Variants in DOCK3 observed in about 807,000 individuals in gnomAD.
DOCK3 encodes dedicator of cytokinesis protein 3.
Under a neutral mutation model 265.6 loss-of-function variants are expected in DOCK3, and 60 were observed. The ratio of observed to expected loss-of-function variants is 0.23; its 90% CI spans 0.18 to 0.28. The LOEUF (loss-of-function observed/expected upper bound fraction) is 0.28. Ranked by LOEUF, DOCK3 falls within the 10% of genes least tolerant of loss-of-function variation. The pLI is 1.00. For missense variants in DOCK3, 1,981 were observed against 2,594.3 expected, an observed-to-expected ratio of 0.76 and a Z score of 5.14; for synonymous variants, 881 against 938.0, an observed-to-expected ratio of 0.94 and a Z score of 1.11.
rs374438910 is a variant in DOCK3, at chr3:51,207,190, A to G, written c.1038-1584A>G. Among the ~76,000 whole-genome samples, 227 of 152,252 alleles carry G rather than the reference A, an allele frequency of 1.5e-3. 1 individual carries two copies. Among genetic ancestry groups the G allele is most frequent in the African/African-American group, 5.1e-3 (213 of 41,556 alleles). On this transcript the variant is annotated intron_variant, in intron 12 of 52. Transcript: ENST00000266037. ...GTAAGGGGTATGCAAGGGGAGAGGAATGGCAGGAACAGGCTGTCAGTTGTC... is the reference window on the plus strand; with the variant it reads ...GTAAGGGGTATGCAAGGGGAGAGGAGTGGCAGGAACAGGCTGTCAGTTGTC...
chr3:51,068,736 A>G (rs1018715307), intron 6 of DOCK3, among the ~76,000 whole-genome samples: 1 of 152,118 alleles, frequency 6.6e-6, no homozygotes, highest in African/African-American at 2.4e-5. Context: ...CTTATCATCT[A>G]TCTAATTATG....
chr3:51,251,884 T>G (rs905882621), intron 22 of DOCK3, among the ~76,000 whole-genome samples: 8 of 152,254 alleles, frequency 5.3e-5, no homozygotes, highest in African/African-American at 1.9e-4. Flanking sequence ...CATTGGTCAA[T>G]TTTGGCTTTT....
At chr3:50,916,614 G>A (rs1011898077) in intron 4 of DOCK3, among the ~76,000 whole-genome samples, 28 of 152,000 alleles carry the variant, frequency 1.8e-4, no homozygotes, top group African/African-American at 6.8e-4. Flanking sequence ...TCAGGAGATC[G>A]AGACCATCCT....
chr3:51,076,105 T>C (rs539668303), intron 7 of DOCK3, among the ~76,000 whole-genome samples: 2 of 152,272 alleles, frequency 1.3e-5, no homozygotes, highest in East Asian at 3.9e-4. Context: ...AACTGTAATA[T>C]TTTTAGGGAG....
intron 12 of DOCK3, among the ~76,000 whole-genome samples, chr3:51,197,057 G>C (rs1358590616): frequency 6.6e-6 from 1 of 152,024 alleles, no homozygotes; most frequent in African/African-American, 2.4e-5. Context: ...GTGTTGGTTG[G>C]GTAGGGTACT....
chr3:50,716,302 C>T (rs1050275192), intron 1 of DOCK3, among the ~76,000 whole-genome samples: 16 of 151,818 alleles, frequency 1.1e-4, no homozygotes, highest in Non-Finnish European at 1.3e-4. Flanking sequence ...CTGAGGTGGG[C>T]GGATCACGAA....
chr3:50,767,828 C>A (rs2040997627), intron 1 of DOCK3, among the ~76,000 whole-genome samples: 1 of 152,072 alleles, frequency 6.6e-6, no homozygotes, highest in Non-Finnish European at 1.5e-5. Flanking sequence ...TTGAAGAGGT[C>A]CTTCACATCC....
chr3:50,716,972 T>G (rs1027941818), intron 1 of DOCK3, among the ~76,000 whole-genome samples: 6 of 152,222 alleles, frequency 3.9e-5, no homozygotes, highest in Admixed American at 2.6e-4. Flanking sequence ...TTCTTACATT[T>G]TGTTTTTCTT....
chr3:51,150,103 C>G lies in DOCK3; in HGVS notation c.828+3473C>G, dbSNP rs187129740. On this transcript the variant is annotated intron_variant, in intron 10 of 52. Transcript: ENST00000266037. ...GTGTCCAGGAATTTATCCATTTCTT[C>G]TAGATTTTCTAGTTTATTTGTGTAG... 9.9e-5 allele frequency among the ~76,000 whole-genome samples: 15 copies of G among 152,268 alleles called. No homozygotes were observed. In the East Asian group the frequency reaches 2.9e-3, roughly 29 times the overall value.
At chr3:50,943,223 G>A (rs1345346446) in intron 5 of DOCK3, among the ~76,000 whole-genome samples, 1 of 152,066 alleles carries the variant, frequency 6.6e-6, no homozygotes, top group Non-Finnish European at 1.5e-5. Context: ...GGGAATGGAT[G>A]AATAGGCAGA....
chr3:51,271,801 A>T (rs1020294838), intron 24 of DOCK3, among the ~76,000 whole-genome samples: 2 of 151,506 alleles, frequency 1.3e-5, no homozygotes, highest in Admixed American at 1.3e-4. Context: ...CAGTAAGCCA[A>T]GATCACGCCA....
At chr3:51,033,284 A>G (rs572288330) in intron 5 of DOCK3, among the ~76,000 whole-genome samples, 1 of 152,158 alleles carries the variant, frequency 6.6e-6, no homozygotes, top group Non-Finnish European at 1.5e-5. Flanking sequence ...TCTCAAAACA[A>G]TCTCATAATA....
At chr3:50,970,948 A>ATGTGTG (rs71637577) in intron 5 of DOCK3, among the ~76,000 whole-genome samples, 14 of 51,756 alleles carry the variant, frequency 2.7e-4, no homozygotes, top group African/African-American at 1.0e-3. Flanking sequence ...TATATATATA[A>ATGTGTG]TGTGTGTGTG....
At chr3:51,144,919 A>G (rs2107261256) in intron 9 of DOCK3, among the ~76,000 whole-genome samples, 1 of 152,318 alleles carries the variant, frequency 6.6e-6, no homozygotes, top group East Asian at 1.9e-4. Flanking sequence ...ACCATGGCAC[A>G]GTTTTCCTTT....
intron 3 of DOCK3, among the ~76,000 whole-genome samples, chr3:50,886,209 T>TATATATATA (rs10689032): frequency 2.8e-5 from 4 of 141,802 alleles, no homozygotes; most frequent in South Asian, 2.2e-4. Flanking sequence ...TATATATATA[T>TATATATATA]TCCAGAGTTT....
At chr3:50,882,226 ACAACAAAATCAGTGG>A (rs1159219760) in intron 3 of DOCK3, among the ~76,000 whole-genome samples, 1 of 152,204 alleles carries the variant, frequency 6.6e-6, no homozygotes, top group Non-Finnish European at 1.5e-5. Flanking sequence ...CATGATTAAA[ACAACAAAATCAGTGG>A]CAACAAAAGC....
intron 3 of DOCK3, among the ~76,000 whole-genome samples, chr3:50,841,998 A>G (rs2045867090): frequency 1.3e-5 from 2 of 152,138 alleles, no homozygotes; most frequent in South Asian, 2.1e-4. Context: ...CAAAAAGTAC[A>G]TTGACTTATT....
At chr3:50,971,799 A>G (rs2077244066) in intron 5 of DOCK3, among the ~76,000 whole-genome samples, 1 of 152,188 alleles carries the variant, frequency 6.6e-6, no homozygotes, top group Admixed American at 6.5e-5. Context: ...GAGGTGGGGA[A>G]CAAAGCCAGG....
intron 9 of DOCK3, among the ~76,000 whole-genome samples, chr3:51,141,561 T>C (rs1371490201): frequency 6.6e-6 from 1 of 152,352 alleles, no homozygotes; most frequent in East Asian, 1.9e-4. Context: ...GTCCCAACAC[T>C]GTTTGTTGAA....
Sources: allele counts gnomAD v4.1 joint callset (sites outside exome capture counted in the v4.1 genomes callset), GRCh38; gene constraint gnomAD v4.1.1; transcripts MANE v1.5; gene names NCBI Gene and HGNC (gene_info 2026-07-23, HGNC 2026-07-21).